CDK19: variants seen among roughly 807,000 people sequenced by gnomAD.
The protein encoded by CDK19 is cyclin dependent kinase 19, also known as cyclin-dependent kinase 19.
CDK19 carries 20 observed loss-of-function variants against 68.3 expected under a neutral mutation model. The ratio of observed to expected loss-of-function variants is 0.29; its 90% CI spans 0.21 to 0.43. The LOEUF is 0.43. Ranked by LOEUF, CDK19 falls within the 20% of genes least tolerant of loss-of-function variation. CDK19 has a pLI of 1.00. For missense variants in CDK19, 339 were observed against 623.5 expected (o/e 0.54, Z 4.86); for synonymous variants, 221 against 222.8 (o/e 0.99, Z 0.07).
At chr6:110,780,082 G>C (rs1405633744) in intron 1 of CDK19, among the ~76,000 whole-genome samples, 2 of 152,090 alleles carry the variant, frequency 1.3e-5, no homozygotes, top group African/African-American at 2.4e-5. Context: ...GCTGGGTGTG[G>C]TGGCACATGT....
At chr6:110,681,009 T>TA (rs541890754) in intron 2 of CDK19, among the ~76,000 whole-genome samples, 33 of 133,720 alleles carry the variant, frequency 2.5e-4, no homozygotes, top group Non-Finnish European at 4.4e-4. Context: ...AATAAATAAA[T>TA]AAATAAAATA....
At chr6:110,631,844 T>C (rs1287475315) in intron 6 of CDK19, among the ~76,000 whole-genome samples, 186 bp downstream of exon 6, 2 of 152,240 alleles carry the variant, frequency 1.3e-5, no homozygotes, top group African/African-American at 4.8e-5. Context: ...TTTTCTTCTT[T>C]TAAAATAACC....
At chr6:110,639,975 G>C (rs914757903) in intron 4 of CDK19, among the ~76,000 whole-genome samples, 1 of 152,160 alleles carries the variant, frequency 6.6e-6, no homozygotes. Context: ...GACTTTGGGA[G>C]ACCGAGGCGG....
At chr6:110,791,610 G>A (rs1030143645) in intron 1 of CDK19, among the ~76,000 whole-genome samples, 3 of 152,128 alleles carry the variant, frequency 2.0e-5, no homozygotes, top group African/African-American at 7.2e-5. Context: ...CATTCATAAT[G>A]GTTATCTATG....
Position 110,670,448 on chromosome 6 carries a change from C to A in CDK19, c.298G>T (p.Ala100Ser), listed in dbSNP as rs750261087. ...DRKVWLLFDY[A>S]EHDLWHIIKF... is the part of the protein sequence containing the mutation. ...ATACTTACCCACAAGTCATGCTCTG[C>A]ATAATCAAACAGCAGCCATACCTTC... The change falls in exon 3 of 13, where the codon GCA becomes TCA. Residue 100 changes from alanine (A) to serine (S), a missense_variant. Physicochemically the swap from Ala to Ser is moderately conservative, Grantham distance 99. Coordinates refer to ENST00000368911, the MANE Select transcript of CDK19 (RefSeq NM_015076.5). 6.3e-7 allele frequency: 1 copy of A among 1,598,492 alleles called. No homozygotes were observed. Among genetic ancestry groups the A allele is most frequent in the Non-Finnish European group, 8.6e-7 (1 of 1,165,830 alleles).
chr6:110,614,487 C>CT lies in CDK19; in HGVS notation c.*47dup, dbSNP rs774897911. 7 of 1,589,462 alleles carry CT rather than the reference C, an allele frequency of 4.4e-6. No homozygotes were observed. In the Middle Eastern group the frequency reaches 5.1e-4, roughly 115 times the overall value. Reference sequence around the variant, plus strand: ...GGTTCTTTTCAATGCAGACATATTGCTGGAGCCTGTGCTCTGGGCTGGGCT... The same window carrying CT: ...GGTTCTTTTCAATGCAGACATATTGCTTGGAGCCTGTGCTCTGGGCTGGGCT... On this transcript the variant is annotated 3_prime_UTR_variant, in exon 13 of 13. Transcript: ENST00000368911.
chr6:110,686,381 T>C (rs1295356522), intron 2 of CDK19, among the ~76,000 whole-genome samples: 1 of 152,184 alleles, frequency 6.6e-6, no homozygotes, highest in Non-Finnish European at 1.5e-5. Flanking sequence ...TTATTTTCAT[T>C]ATATCATGAA....
intron 2 of CDK19, among the ~76,000 whole-genome samples, chr6:110,731,707 T>C (rs543165761): frequency 6.6e-6 from 1 of 152,158 alleles, no homozygotes; most frequent in East Asian, 1.9e-4. Context: ...TGACTGGCCA[T>C]TAAAATTAAA....
chr6:110,654,443 T>C (rs950060467), intron 4 of CDK19, among the ~76,000 whole-genome samples: 5 of 152,252 alleles, frequency 3.3e-5, no homozygotes, highest in Non-Finnish European at 7.3e-5. Flanking sequence ...ATCATTGTGG[T>C]TGCAACTTCC....
intron 2 of CDK19, among the ~76,000 whole-genome samples, chr6:110,732,525 GAA>G (rs1044302114): frequency 6.6e-6 from 1 of 151,502 alleles, no homozygotes; most frequent in African/African-American, 2.4e-5. Flanking sequence ...AACAAGGCAA[GAA>G]AAAAAGTCAT....
chr6:110,801,586 A>G (rs1213324031), intron 1 of CDK19, among the ~76,000 whole-genome samples: 1 of 151,918 alleles, frequency 6.6e-6, no homozygotes, highest in Non-Finnish European at 1.5e-5. Flanking sequence ...ATCTCGGCTT[A>G]CTGCAAGCTC....
intron 2 of CDK19, among the ~76,000 whole-genome samples, chr6:110,679,221 T>TA (rs1352619736): frequency 2.6e-5 from 4 of 151,694 alleles, no homozygotes; most frequent in Admixed American, 1.3e-4. Context: ...GAGGCTGAGG[T>TA]ACGAGGACTG....
chr6:110,787,627 C>T (rs1049846612), intron 1 of CDK19, among the ~76,000 whole-genome samples: 4 of 151,970 alleles, frequency 2.6e-5, no homozygotes, highest in Admixed American at 2.6e-4. Context: ...TTTTTTGTAG[C>T]AACAGGGTCT....
At position 110,746,111 on chromosome 6, in the gene CDK19, T is replaced by C. The variant is rs778859544; in HGVS notation, c.204+15A>G. ...ATCAATAATAAAATAAATAACTGTA[T>C]TTGTATCCACTTACTGCAATCTCTC... On this transcript the variant is annotated intron_variant, in intron 2 of 12. Transcript: ENST00000368911. 19 of 1,462,982 alleles carry C rather than the reference T, an allele frequency of 1.3e-5. 1 individual carries two copies. In the South Asian group the frequency reaches 2.4e-4, roughly 19 times the overall value. 90.6% of individuals were successfully genotyped at this position (1,462,982 alleles called of 1,614,324 possible).
chr6:110,772,375 G>A (rs955415286), intron 1 of CDK19, among the ~76,000 whole-genome samples: 2 of 151,810 alleles, frequency 1.3e-5, no homozygotes, highest in African/African-American at 4.8e-5. Context: ...GGGGGAAACC[G>A]CCCCCTTAAT....
chr6:110,652,613 A>G (rs1781043397), intron 4 of CDK19, among the ~76,000 whole-genome samples: 1 of 152,244 alleles, frequency 6.6e-6, no homozygotes, highest in African/African-American at 2.4e-5. Flanking sequence ...GCTTCATGTA[A>G]GAAATGAACA....
chr6:110,687,605 G>C (rs1365413423), intron 2 of CDK19, among the ~76,000 whole-genome samples: 1 of 152,202 alleles, frequency 6.6e-6, no homozygotes, highest in African/African-American at 2.4e-5. Flanking sequence ...AAAACACAGA[G>C]GGGGATGAGC....
intron 1 of CDK19, among the ~76,000 whole-genome samples, chr6:110,759,423 AAAAAAATATAT>A (rs1779063909): frequency 1.7e-5 from 2 of 119,060 alleles, no homozygotes; most frequent in African/African-American, 7.2e-5. Context: ...AAAAAAAAAA[AAAAAAATATAT>A]ATATATATAT....
chr6:110,685,564 T>C (rs569868767), intron 2 of CDK19, among the ~76,000 whole-genome samples: 1 of 152,348 alleles, frequency 6.6e-6, no homozygotes, highest in East Asian at 1.9e-4. Context: ...GCCAAACACA[T>C]GTAGATTTTC....
Sources: gnomAD v4.1 joint callset for allele counts (sites outside exome capture counted in the v4.1 genomes callset) on GRCh38, gnomAD v4.1.1 for gene constraint, MANE v1.5 for transcripts, NCBI Gene and HGNC (gene_info 2026-07-23, HGNC 2026-07-21) for gene names.